Variants in CFAP20DC observed in about 807,000 individuals in gnomAD.
CFAP20DC encodes the protein CFAP20 domain containing.
CFAP20DC carries 84 observed loss-of-function variants against 101.7 expected under a neutral mutation model. The ratio of observed to expected loss-of-function variants is 0.83; its 90% confidence interval spans 0.69 to 0.99. The LOEUF (loss-of-function observed/expected upper bound fraction) is 0.99. Among genes scored for constraint, CFAP20DC ranks in the 50% least tolerant of loss-of-function variants. The pLI, the probability that CFAP20DC is intolerant of heterozygous loss-of-function variation, is 0.00. For missense variants in CFAP20DC, 1,007 were observed against 970.3 expected (o/e 1.04, Z -0.50); for synonymous variants, 359 against 351.2 (o/e 1.02, Z -0.25).
At chr3:58,855,737 A>G (rs1222712411) in intron 12 of CFAP20DC, among the ~76,000 whole-genome samples, 1 of 151,466 alleles carries the variant, frequency 6.6e-6, no homozygotes, top group African/African-American at 2.4e-5. Flanking sequence ...TCACAAGAAG[A>G]AAAAACTAAA....
At position 59,015,013 on chromosome 3, in the gene CFAP20DC, C is replaced by T. The variant is rs924053267; in HGVS notation, c.278+24544G>A. ...TACCACCCCAGAGACAAGTGTTAAACATTTACCAGTACAGAACATTTTGCG... is the reference window on the plus strand; with the variant it reads ...TACCACCCCAGAGACAAGTGTTAAATATTTACCAGTACAGAACATTTTGCG... On this transcript the variant is annotated intron_variant, in intron 4 of 16. Transcript: ENST00000482387. This position sits in a 1 kb window ranked among gnomAD's most constrained non-coding sequence, Gnocchi z 5.4. 1.3e-5 allele frequency among the ~76,000 whole-genome samples: 2 copies of T among 152,104 alleles called. No individual in the cohort carries two copies. Among genetic ancestry groups the T allele is most frequent in the Non-Finnish European group, 2.9e-5 (2 of 68,004 alleles).
chr3:59,005,697 C>T (rs976256875), intron 4 of CFAP20DC, among the ~76,000 whole-genome samples: 1 of 152,086 alleles, frequency 6.6e-6, no homozygotes. Flanking sequence ...ATCATTAGCT[C>T]TTATTGTCAT....
At chr3:58,846,011 T>C in intron 13 of CFAP20DC, among the ~76,000 whole-genome samples, 1 of 150,062 alleles carries the variant, frequency 6.7e-6, no homozygotes, top group African/African-American at 2.5e-5. Context: ...ATGGGACGTA[T>C]TTCAAAATAA....
At chr3:58,959,897 T>G (rs1044423292) in intron 4 of CFAP20DC, among the ~76,000 whole-genome samples, 1 of 152,230 alleles carries the variant, frequency 6.6e-6, no homozygotes, top group Admixed American at 6.5e-5. Context: ...TGCATTTATT[T>G]AGATGTTTAA....
At position 59,039,538 on chromosome 3, in the gene CFAP20DC, G is replaced by T; in HGVS notation, c.278+19C>A. On this transcript the variant is annotated intron_variant, in intron 4 of 16. Coordinates refer to ENST00000482387, the MANE Select transcript of CFAP20DC (RefSeq NM_001394063.1). Reference sequence around the variant, plus strand: ...GTCTAATACACACAAAACATTCAAAGAAGTTCTGTATATCTTACAGCAATT... The same window carrying T: ...GTCTAATACACACAAAACATTCAAATAAGTTCTGTATATCTTACAGCAATT... 7.1e-7 allele frequency: 1 copy of T among 1,414,260 alleles called. No individual in the cohort carries two copies. The highest frequency in any genetic ancestry group is 9.6e-7 in the Non-Finnish European group (1 of 1,041,474). The allele number at this position is 1,414,260 out of a possible 1,614,324, so 87.6% of individuals were successfully genotyped here.
At chr3:58,932,904 A>T (rs1011123651) in intron 5 of CFAP20DC, among the ~76,000 whole-genome samples, 1 of 152,238 alleles carries the variant, frequency 6.6e-6, no homozygotes, top group Non-Finnish European at 1.5e-5. Flanking sequence ...TAATGACAGG[A>T]TCAAATTCAG....
Position 58,732,121 on chromosome 3 carries a change from T to A in CFAP20DC, c.198-14493A>T, listed in dbSNP as rs2067657318. On this transcript the variant is annotated intron_variant, in intron 3 of 3. Transcript: ENST00000486145. The surrounding 1 kb of genome is among the most constrained non-coding windows in gnomAD (Gnocchi z 5.4). ...ACAATAAAGATGATGAGGACAATCATCAAGAGAGTCATTTCAACTCAGTGG... is the reference window on the plus strand; with the variant it reads ...ACAATAAAGATGATGAGGACAATCAACAAGAGAGTCATTTCAACTCAGTGG... Among the ~76,000 whole-genome samples, 1 of 152,142 alleles carries A rather than the reference T, an allele frequency of 6.6e-6. No homozygotes were observed. Among genetic ancestry groups the A allele is most frequent in the African/African-American group, 2.4e-5 (1 of 41,424 alleles).
intron 4 of CFAP20DC, among the ~76,000 whole-genome samples, chr3:59,033,431 G>T (rs1174339532): frequency 6.6e-6 from 1 of 152,130 alleles, no homozygotes; most frequent in Non-Finnish European, 1.5e-5. Context: ...CTTACCCAAT[G>T]CAAGGAAGCT....
intron 15 of CFAP20DC, among the ~76,000 whole-genome samples, chr3:58,772,972 T>G (rs2070990937): frequency 6.6e-6 from 1 of 152,152 alleles, no homozygotes; most frequent in Admixed American, 6.5e-5. Context: ...GTAAGACTTA[T>G]TTTTTACTTT....
At chr3:58,880,074 C>T (rs1050187661) in intron 7 of CFAP20DC, among the ~76,000 whole-genome samples, 17 of 151,568 alleles carry the variant, frequency 1.1e-4, no homozygotes, top group Non-Finnish European at 1.9e-4. Context: ...CTAGAAATGT[C>T]CCATAATTAC....
intron 13 of CFAP20DC, among the ~76,000 whole-genome samples, chr3:58,835,791 C>G (rs1162019470): frequency 6.6e-6 from 1 of 152,156 alleles, no homozygotes. Flanking sequence ...AAGGCTAAAT[C>G]ATTTATTTGT....
Position 58,996,811 on chromosome 3 carries a change from T to C in CFAP20DC, c.278+42746A>G, listed in dbSNP as rs142653086. The stretch of plus-strand genomic sequence containing the variant: ...ACTGTAATGGCAACTTTGAGTAGCA[T>C]TGTTCTAGGTAATTCTAGATGCTTT... On this transcript the variant is annotated intron_variant, in intron 4 of 16. Transcript: ENST00000482387. 8.3e-3 allele frequency among the ~76,000 whole-genome samples: 1,263 copies of C among 152,372 alleles called. 9 individuals carry two copies. The highest frequency in any genetic ancestry group is 0.013 in the Admixed American group (195 of 15,306).
chr3:58,795,322 C>T lies in CFAP20DC; in HGVS notation c.2237+11073G>A, dbSNP rs898158338. 1.3e-5 allele frequency among the ~76,000 whole-genome samples: 2 copies of T among 152,208 alleles called. No individual in the cohort carries two copies. The highest frequency in any genetic ancestry group is 2.9e-5 in the Non-Finnish European group (2 of 68,032). ...GGGGAGGCTTCAGTAATCTCAGGAGCCCCGCTCTCCACTGGTTAAAGATGT... is the reference window on the plus strand; with the variant it reads ...GGGGAGGCTTCAGTAATCTCAGGAGTCCCGCTCTCCACTGGTTAAAGATGT... On this transcript the variant is annotated intron_variant, in intron 15 of 16. Transcript: ENST00000482387. The surrounding 1 kb of genome is among the most constrained non-coding windows in gnomAD (Gnocchi z 4.2).
chr3:58,909,848 T>G (rs1282908535), intron 6 of CFAP20DC, among the ~76,000 whole-genome samples: 1 of 152,146 alleles, frequency 6.6e-6, no homozygotes, highest in Non-Finnish European at 1.5e-5. Context: ...AAGCCCAGCA[T>G]ACATTAGCTA....
intron 14 of CFAP20DC, among the ~76,000 whole-genome samples, chr3:58,811,544 A>G (rs1439012326): frequency 1.3e-5 from 2 of 152,192 alleles, no homozygotes. Flanking sequence ...TACCTTATAA[A>G]AAAATTAATT....
rs781114548 is a variant in CFAP20DC, at chr3:59,002,688, G to T, written c.278+36869C>A. Among the ~76,000 whole-genome samples the T allele has an allele frequency of 2.0e-5, 3 of 152,122 alleles. No individual in the cohort carries two copies. The highest frequency in any genetic ancestry group is 4.4e-5 in the Non-Finnish European group (3 of 68,012). On this transcript the variant is annotated intron_variant, in intron 4 of 16. Coordinates refer to ENST00000482387, the MANE Select transcript of CFAP20DC (RefSeq NM_001394063.1). This position sits in a 1 kb window ranked among gnomAD's most constrained non-coding sequence, Gnocchi z 4.5. Reference sequence around the variant, plus strand: ...AAAAGATGCCAAATCAATGTTCTCAGACTTATCAATGAGGATTGGTTCTAT... The same window carrying T: ...AAAAGATGCCAAATCAATGTTCTCATACTTATCAATGAGGATTGGTTCTAT...
chr3:58,735,854 A>G (rs906864583), intron 3 of CFAP20DC, among the ~76,000 whole-genome samples: 1 of 152,240 alleles, frequency 6.6e-6, no homozygotes, highest in Non-Finnish European at 1.5e-5. Context: ...AAACATTACC[A>G]GTGATAATGT....
At chr3:58,992,309 T>C (rs946154810) in intron 4 of CFAP20DC, among the ~76,000 whole-genome samples, 2 of 152,204 alleles carry the variant, frequency 1.3e-5, no homozygotes, top group Non-Finnish European at 2.9e-5. Flanking sequence ...CAGAAACTTA[T>C]ATACCAATTT....
At chr3:58,950,922 A>G (rs929280413) in intron 4 of CFAP20DC, among the ~76,000 whole-genome samples, 1 of 152,366 alleles carries the variant, frequency 6.6e-6, no homozygotes, top group Middle Eastern at 3.4e-3. Context: ...GGATCTAATT[A>G]AACTAAAAGC....
Sources: gnomAD v4.1 joint callset for allele counts (sites outside exome capture counted in the v4.1 genomes callset) on GRCh38, gnomAD v4.1.1 for gene constraint, Gnocchi (gnomAD v3.1) non-coding constraint, MANE v1.5 for transcripts, NCBI Gene and HGNC (gene_info 2026-07-23, HGNC 2026-07-21) for gene names.